The following DNASE1 variants were observed in gnomAD, a reference collection of about 807,000 sequenced individuals.
DNASE1 encodes deoxyribonuclease 1.
DNASE1 carries 40 observed loss-of-function variants against 33.9 expected under a neutral mutation model. The observed-to-expected ratio is 1.18, with a 90% CI of 0.92 to 1.54. DNASE1 has a LOEUF of 1.54. Among genes scored for constraint, DNASE1 ranks in the 40% most tolerant of loss-of-function variants. The pLI is 0.00. For missense variants in DNASE1, 518 were observed against 372.6 expected, an observed-to-expected ratio of 1.39 and a Z score of -3.21; for synonymous variants, 216 against 160.0, an observed-to-expected ratio of 1.35 and a Z score of -2.64.
At chr16:3,662,412 C>A (rs1267365028), downstream of DNASE1, 2 of 566,124 alleles carry the variant, frequency 3.5e-6, no homozygotes, top group African/African-American at 1.9e-5. Flanking sequence ...TCCATGCCAG[C>A]CCACCCTGCA....
At chr16:3,638,409 C>T (rs984883816), upstream of DNASE1, among the ~76,000 whole-genome samples, 20 of 152,270 alleles carry the variant, frequency 1.3e-4, no homozygotes, top group East Asian at 3.5e-3. Flanking sequence ...GCAATCTTGG[C>T]TCACTGCAAG....
chr16:3,656,245 G>C (rs1410033862), intron 4 of DNASE1, 60 bp downstream of exon 4: 7 of 1,546,986 alleles, frequency 4.5e-6, no homozygotes, highest in East Asian at 2.2e-5. Context: ...CAACAGAGCA[G>C]GGAAGTAGTT....
At chr16:3,640,613 G>A (rs1238304504), upstream of DNASE1, 2 of 397,602 alleles carry the variant, frequency 5.0e-6, no homozygotes, top group East Asian at 7.1e-5. Context: ...TATAAACAGA[G>A]AACAAACAAA....
At chr16:3,664,173 G>A in exon 10 of DNASE1, 1 of 1,299,016 alleles carries the variant, frequency 7.7e-7, no homozygotes, top group Non-Finnish European at 1.0e-6. Flanking sequence ...GTGCAGCCCT[G>A]CCCGGAGTCT....
At chr16:3,629,028 C>T (rs1200339515) in intron 1 of DNASE1, among the ~76,000 whole-genome samples, 1 of 150,006 alleles carries the variant, frequency 6.7e-6, no homozygotes, top group African/African-American at 2.4e-5. Flanking sequence ...AAACATTTGC[C>T]GGGTGTGATG....
upstream of DNASE1, chr16:3,654,126 C>G (rs78677316): frequency 1.2e-3 from 445 of 359,742 alleles, no homozygotes; most frequent in African/African-American, 8.7e-3. Flanking sequence ...CAATAAAAAC[C>G]CAAAACAAAA....
chr16:3,616,173 T>G (rs1176425685), intron 1 of DNASE1, among the ~76,000 whole-genome samples: 1 of 152,210 alleles, frequency 6.6e-6, no homozygotes, highest in East Asian at 1.9e-4. Context: ...CACTGCTGCC[T>G]TTGTGTGATT....
downstream of DNASE1, chr16:3,658,343 C>T (rs1253577730): frequency 2.2e-5 from 18 of 823,590 alleles, no homozygotes; most frequent in Middle Eastern, 2.4e-4. Flanking sequence ...GGCACGATCT[C>T]GGCTCACTGC....
chr16:3,641,505 C>T (rs1041073888), upstream of DNASE1, among the ~76,000 whole-genome samples: 8 of 152,168 alleles, frequency 5.3e-5, no homozygotes, highest in Admixed American at 5.2e-4. Context: ...GCATCTTCCA[C>T]CGACCACAGG....
chr16:3,640,746 G>T (rs1291758074), upstream of DNASE1: 4 of 398,494 alleles, frequency 1.0e-5, no homozygotes, highest in African/African-American at 8.2e-5. Flanking sequence ...CAGCAAGATG[G>T]CAAAAGCTTG....
downstream of DNASE1, chr16:3,659,421 C>T (rs1392926877): frequency 6.6e-6 from 1 of 152,146 alleles, no homozygotes; most frequent in Non-Finnish European, 1.5e-5. Flanking sequence ...ATGACAAGCA[C>T]AATTCTAGGG....
chr16:3,638,373 C>T (rs1596600278), upstream of DNASE1, among the ~76,000 whole-genome samples: 1 of 152,058 alleles, frequency 6.6e-6, no homozygotes, highest in South Asian at 2.1e-4. Flanking sequence ...AGTCTCGCTC[C>T]ATTGCCCAGG....
At chr16:3,657,466 C>G (rs1361446061) in intron 7 of DNASE1, 125 bp downstream of exon 7, 1 of 1,361,862 alleles carries the variant, frequency 7.3e-7, no homozygotes, top group Non-Finnish European at 1.0e-6. Flanking sequence ...AGTTGATCCA[C>G]TACAGGGAAC....
Position 3,627,133 on chromosome 16 carries a change from A to G in DNASE1, c.-1358-13582A>G, listed in dbSNP as rs373234775. On this transcript the variant is annotated intron_variant and NMD_transcript_variant, in intron 1 of 11. Transcript: ENST00000570769. The stretch of plus-strand genomic sequence containing the variant: ...TCAAGTGATCCTCCCATGTTGGCCA[A>G]GTGCTGAGACTACAGGCGTGAGCCA... 1.2e-4 allele frequency among the ~76,000 whole-genome samples: 18 copies of G among 151,984 alleles called. No homozygotes were observed. In the East Asian group the frequency reaches 2.1e-3, roughly 18 times the overall value.
intron 1 of DNASE1, among the ~76,000 whole-genome samples, chr16:3,618,234 T>C (rs551483053): frequency 6.8e-6 from 1 of 147,392 alleles, no homozygotes; most frequent in South Asian, 2.1e-4. Flanking sequence ...TCATGGCCAG[T>C]AGGACAGCCA....
chr16:3,655,701 C>G, intron 2 of DNASE1, 148 bp from the exon 3 acceptor site: 1 of 1,373,662 alleles, frequency 7.3e-7, no homozygotes, highest in Non-Finnish European at 1.0e-6. Context: ...TGTGCTGTCC[C>G]TGGCTGGCAG....
chr16:3,643,327 C>G (rs1051662852), intron 1 of DNASE1, among the ~76,000 whole-genome samples: 1 of 152,250 alleles, frequency 6.6e-6, no homozygotes, highest in Non-Finnish European at 1.5e-5. Context: ...CAGAAAGTGG[C>G]TGAAAAGCAG....
chr16:3,656,074 A>T, intron 3 of DNASE1, 28 bp from the exon 4 acceptor site: 1 of 1,613,432 alleles, frequency 6.2e-7, no homozygotes, highest in Non-Finnish European at 8.5e-7. Context: ...GGCCCCCGCC[A>T]CTGGGACCTT....
chr16:3,664,308 G>A lies in DNASE1; in HGVS notation c.*6355G>A, dbSNP rs764754892. The A allele has an allele frequency of 3.1e-6, 5 of 1,610,610 alleles. No individual in the cohort carries two copies. The African/African-American group carries it at 5.4e-5, about 17-fold the overall frequency. On this transcript the variant is annotated 3_prime_UTR_variant, in exon 10 of 10. Transcript: ENST00000407479. ...TTTCTTCTTCATGGCCTCATAGTAG[G>A]GTGAGTGCTCTGCCAGGTGACGGTT...
Sources: allele counts gnomAD v4.1 joint callset (sites outside exome capture counted in the v4.1 genomes callset), GRCh38; gene constraint gnomAD v4.1.1; transcripts MANE v1.5; gene names NCBI Gene and HGNC (gene_info 2026-07-23, HGNC 2026-07-21).